Variants in MED4 observed in about 807,000 individuals in gnomAD.
MED4 encodes the protein mediator of RNA polymerase II transcription subunit 4.
In MED4, 21 loss-of-function variants were observed where a neutral mutation model predicts 35.0. The ratio of observed to expected loss-of-function variants is 0.60; its 90% CI spans 0.43 to 0.86. The LOEUF (loss-of-function observed/expected upper bound fraction) is 0.86. Among genes scored for constraint, MED4 ranks in the 40% least tolerant of loss-of-function variants. The probability of loss-of-function intolerance (pLI) is 0.00; values close to 1 mark genes in which losing one functional copy is unlikely to be tolerated. For synonymous variants in MED4, 138 were observed against 114.0 expected (o/e 1.21, Z -1.34); for missense variants, 300 against 319.4 (o/e 0.94, Z 0.46).
intron 1 of MED4, among the ~76,000 whole-genome samples, chr13:48,092,834 T>C (rs755858541): frequency 1.4e-4 from 22 of 152,128 alleles, no homozygotes; most frequent in Non-Finnish European, 2.8e-4. Context: ...AGTGGGGCTA[T>C]GGTAGGAGAT....
intron 2 of MED4, among the ~76,000 whole-genome samples, chr13:48,090,050 C>A (rs143609994): frequency 0.011 from 1,626 of 152,202 alleles, 9 homozygotes; most frequent in Non-Finnish European, 0.016. Context: ...ATACAACAAG[C>A]CTTTCTTGGT....
intron 1 of MED4, among the ~76,000 whole-genome samples, 169 bp downstream of exon 1, chr13:48,094,785 A>G (rs1033008943): frequency 6.6e-6 from 1 of 152,140 alleles, no homozygotes; most frequent in Non-Finnish European, 1.5e-5. Context: ...ACCGCCGCCC[A>G]GAGTGCCAGA....
intron 4 of MED4, among the ~76,000 whole-genome samples, chr13:48,083,039 A>C (rs931459468): frequency 1.3e-5 from 2 of 152,186 alleles, no homozygotes; most frequent in African/African-American, 4.8e-5. Context: ...CTCTGTCCTA[A>C]CCTTCAAGAT....
At chr13:48,080,798 C>A (rs1950802739) in intron 5 of MED4, among the ~76,000 whole-genome samples, 1 of 151,876 alleles carries the variant, frequency 6.6e-6, no homozygotes, top group Non-Finnish European at 1.5e-5. Context: ...CCTCATGCCA[C>A]CTTGTCTAAG....
In MED4 at chr13:48,077,173, G is replaced by A. The variant is rs1398194412; in HGVS notation, c.779C>T (p.Thr260Met). The change falls in exon 7 of 7, where the codon ACG becomes ATG. Residue 260 changes from threonine (T) to methionine (M), a missense_variant. Physicochemically the swap from Thr to Met is moderately conservative, Grantham distance 81. Coordinates refer to ENST00000258648, the MANE Select transcript of MED4 (RefSeq NM_014166.4). ...ENEDDVEIMS[T>M]DSSSSSSESD ...CTCACTACTACTGCTTGAGGAGTCCGTTGACATAATCTCTACATCATCTTC... is the reference window on the plus strand; with the variant it reads ...CTCACTACTACTGCTTGAGGAGTCCATTGACATAATCTCTACATCATCTTC... The A allele has an allele frequency of 3.1e-6, 5 of 1,608,934 alleles. No individual in the cohort carries two copies. The highest frequency in any genetic ancestry group is 1.3e-5 in the African/African-American group (1 of 74,410).
At chr13:48,081,269 T>C (rs1391383068) in intron 5 of MED4, among the ~76,000 whole-genome samples, 1 of 152,220 alleles carries the variant, frequency 6.6e-6, no homozygotes, top group East Asian at 1.9e-4. Flanking sequence ...AGAACTGGAA[T>C]TGTCTTTCTC....
At chr13:48,078,479 T>C (rs1397708430) in intron 6 of MED4, among the ~76,000 whole-genome samples, 1 of 152,158 alleles carries the variant, frequency 6.6e-6, no homozygotes, top group Admixed American at 6.5e-5. Context: ...GGTGGTTTCC[T>C]AGCAGGTTTC....
chr13:48,089,663 T>C (rs1408060306), intron 2 of MED4, among the ~76,000 whole-genome samples: 1 of 151,980 alleles, frequency 6.6e-6, no homozygotes, highest in African/African-American at 2.4e-5. Flanking sequence ...AAGTGGGAGA[T>C]CGCTTCAGTC....
At position 48,076,187 on chromosome 13, in the gene MED4, T is replaced by G. The variant is rs1273662146; in HGVS notation, c.*952A>C. On this transcript the variant is annotated 3_prime_UTR_variant, in exon 7 of 7. Coordinates refer to ENST00000258648, the MANE Select transcript of MED4 (RefSeq NM_014166.4). ...GTTTCACATTAAATGTTGTATTACC[T>G]TTGAAATCAGAAGATACATTGTCTA... The G allele has an allele frequency of 1.3e-5, 2 of 152,202 alleles. No individual in the cohort carries two copies. Among genetic ancestry groups the G allele is most frequent in the Non-Finnish European group, 2.9e-5 (2 of 67,996 alleles). 9.4% of individuals were successfully genotyped at this position (152,202 alleles called of 1,614,324 possible).
At chr13:48,087,628 G>T (rs1319325201) in intron 2 of MED4, among the ~76,000 whole-genome samples, 1 of 151,986 alleles carries the variant, frequency 6.6e-6, no homozygotes, top group East Asian at 1.9e-4. Context: ...GAGGTAGGCG[G>T]ATCACAAGGT....
At chr13:48,080,415 AAAAG>A (rs1391523331) in intron 5 of MED4, among the ~76,000 whole-genome samples, 120 of 150,498 alleles carry the variant, frequency 8.0e-4, no homozygotes, top group Non-Finnish European at 1.3e-3. Flanking sequence ...AAAAAAAAAA[AAAAG>A]AAAGAAAGAA....
intron 5 of MED4, among the ~76,000 whole-genome samples, chr13:48,081,134 T>C (rs1490034517): frequency 6.6e-6 from 1 of 152,270 alleles, no homozygotes; most frequent in Non-Finnish European, 1.5e-5. Flanking sequence ...TCTCCTGTTT[T>C]ATGTTTCATC....
At chr13:48,084,389 C>T (rs12585232) in intron 3 of MED4, among the ~76,000 whole-genome samples, 5,947 of 152,014 alleles carry the variant, frequency 0.039, 253 homozygotes, top group East Asian at 0.097. Context: ...CTCTAAATGA[C>T]GACACTGACT....
Position 48,095,092 on chromosome 13 carries a change from C to A in MED4, c.-14G>T. 1 of 1,601,258 alleles carries A rather than the reference C, an allele frequency of 6.2e-7. No homozygotes were observed. The highest frequency in any genetic ancestry group is 8.5e-7 in the Non-Finnish European group (1 of 1,179,642). Reference sequence around the variant, plus strand: ...AGACGCAGCCATTTTCCCCAGAGTCCCGCCACCGGCGCACGCGCAGAGCGA... The same window carrying A: ...AGACGCAGCCATTTTCCCCAGAGTCACGCCACCGGCGCACGCGCAGAGCGA... On this transcript the variant is annotated 5_prime_UTR_variant, in exon 1 of 7. Transcript: ENST00000258648.
intron 6 of MED4, among the ~76,000 whole-genome samples, chr13:48,078,291 C>T (rs1309667443): frequency 2.0e-5 from 3 of 152,174 alleles, no homozygotes; most frequent in African/African-American, 7.2e-5. Context: ...AACCATTTCT[C>T]CTTTGCCAGC....
chr13:48,094,756 A>G, intron 1 of MED4, among the ~76,000 whole-genome samples, 198 bp downstream of exon 1: 1 of 152,112 alleles, frequency 6.6e-6, no homozygotes, highest in East Asian at 1.9e-4. Context: ...CATTACTAAA[A>G]TTCCCTCTAA....
chr13:48,083,264 A>G (rs1950823456), intron 4 of MED4, 107 bp downstream of exon 4: 1 of 871,908 alleles, frequency 1.1e-6, no homozygotes, highest in Non-Finnish European at 1.8e-6. Flanking sequence ...AAATTTACTG[A>G]ATCTTTTCAA....
At chr13:48,080,407 A>AG (rs1287440865) in intron 5 of MED4, among the ~76,000 whole-genome samples, 1 of 151,078 alleles carries the variant, frequency 6.6e-6, no homozygotes, top group Non-Finnish European at 1.5e-5. Context: ...AAAAAAAAAA[A>AG]AAAAAAAAAA....
Position 48,092,990 on chromosome 13 carries a change from G to A in MED4, c.125+1964C>T, listed in dbSNP as rs917698315. Among the ~76,000 whole-genome samples, 10 of 152,146 alleles carry A rather than the reference G, an allele frequency of 6.6e-5. 1 individual carries two copies. Among genetic ancestry groups the A allele is most frequent in the Non-Finnish European group, 1.3e-4 (9 of 68,008 alleles). ...TTCTGTAACAGTCCAGGACAAAATA[G>A]AAACCCCTGTCCTCCCCAACTGCGA... On this transcript the variant is annotated intron_variant, in intron 1 of 6. Coordinates refer to ENST00000258648, the MANE Select transcript of MED4 (RefSeq NM_014166.4).
Sources: allele counts gnomAD v4.1 joint callset (sites outside exome capture counted in the v4.1 genomes callset), GRCh38; gene constraint gnomAD v4.1.1; transcripts MANE v1.5; gene names NCBI Gene and HGNC (gene_info 2026-07-23, HGNC 2026-07-21).